Variants in COL4A5 observed in about 807,000 individuals in gnomAD.
COL4A5 encodes the protein collagen alpha-5(IV) chain.
Under a neutral mutation model 130.2 loss-of-function variants are expected in COL4A5, and 26 were observed. The ratio of observed to expected loss-of-function variants is 0.20; its 90% CI spans 0.15 to 0.28. The LOEUF is 0.28. Ranked by LOEUF, COL4A5 falls within the 10% of genes least tolerant of loss-of-function variation. The pLI, the probability that COL4A5 is intolerant of heterozygous loss-of-function variation, is 1.00. For synonymous variants in COL4A5, 496 were observed against 439.6 expected, an observed-to-expected ratio of 1.13 and a Z score of -1.60; for missense variants, 1,131 against 1,344.3, an observed-to-expected ratio of 0.84 and a Z score of 2.48.
chrX:108,632,647 T>C (rs774686142), intron 36 of COL4A5, among the ~76,000 whole-genome samples: 45 of 111,031 alleles, frequency 4.1e-4, no homozygotes, highest in Non-Finnish European at 7.0e-4. Flanking sequence ...TCAAGTTGGC[T>C]TCATCCCTGG....
intron 1 of COL4A5, among the ~76,000 whole-genome samples, chrX:108,537,722 A>G (rs963747727): frequency 8.9e-6 from 1 of 112,311 alleles, no homozygotes; most frequent in African/African-American, 3.2e-5. Context: ...ATATTCACAT[A>G]TAAAGTTCAG....
chrX:108,479,339 A>C (rs1295823153), intron 1 of COL4A5, among the ~76,000 whole-genome samples: 2 of 112,396 alleles, frequency 1.8e-5, no homozygotes, highest in Non-Finnish European at 3.8e-5. Flanking sequence ...ACAGCCCGTG[A>C]ATCAGTATAC....
chrX:108,596,506 T>C (rs1325647754), intron 22 of COL4A5, among the ~76,000 whole-genome samples: 1 of 112,249 alleles, frequency 8.9e-6, no homozygotes, highest in Non-Finnish European at 1.9e-5. Flanking sequence ...AACCACTGCT[T>C]TAGTAATGTT....
chrX:108,561,784 A>G (rs1399502384), intron 3 of COL4A5, among the ~76,000 whole-genome samples: 1 of 112,057 alleles, frequency 8.9e-6, no homozygotes, highest in Admixed American at 9.5e-5. Context: ...TTTAACACTT[A>G]ACTATAATCA....
chrX:108,675,196 C>T (rs2092531542), intron 43 of COL4A5, among the ~76,000 whole-genome samples: 1 of 111,022 alleles, frequency 9.0e-6, no homozygotes, highest in Non-Finnish European at 1.9e-5. Flanking sequence ...AAAAATAAAA[C>T]TTATATGTTC....
chrX:108,447,911 A>T (rs1331418281), intron 1 of COL4A5, among the ~76,000 whole-genome samples: 1 of 112,013 alleles, frequency 8.9e-6, no homozygotes, highest in Non-Finnish European at 1.9e-5. Flanking sequence ...GTTTTTAAAT[A>T]GCAGTAATTC....
intron 40 of COL4A5, 108 bp from the exon 41 acceptor site, chrX:108,668,211 G>T: frequency 1.4e-6 from 1 of 740,539 alleles, no homozygotes; most frequent in African/African-American, 2.1e-5. Flanking sequence ...AGATAGAAAT[G>T]ACTCTTGTGA....
intron 1 of COL4A5, among the ~76,000 whole-genome samples, chrX:108,468,987 A>T (rs1264491628): frequency 1.8e-5 from 2 of 109,994 alleles, no homozygotes; most frequent in Non-Finnish European, 1.9e-5. Context: ...TATGGACTTT[A>T]CTTCGTTGTT....
intron 36 of COL4A5, among the ~76,000 whole-genome samples, chrX:108,630,470 T>C (rs190254491): frequency 1.9e-3 from 217 of 112,339 alleles, no homozygotes; most frequent in African/African-American, 6.7e-3. Context: ...GAAGTGTCTG[T>C]TCATATCCTT....
chrX:108,646,551 G>A (rs778948899), intron 36 of COL4A5, among the ~76,000 whole-genome samples: 296 of 111,229 alleles, frequency 2.7e-3, no homozygotes, highest in African/African-American at 9.3e-3. Context: ...TCTGATAGTA[G>A]TTTCTTTTGC....
intron 42 of COL4A5, among the ~76,000 whole-genome samples, chrX:108,671,036 A>G (rs1292600046): frequency 1.8e-5 from 2 of 110,976 alleles, no homozygotes; most frequent in Non-Finnish European, 3.8e-5. Flanking sequence ...TAATAGGCAC[A>G]GAGAAAAAAA....
At chrX:108,570,304 C>T (rs1268182059) in intron 6 of COL4A5, among the ~76,000 whole-genome samples, 4 of 111,750 alleles carry the variant, frequency 3.6e-5, no homozygotes, top group Non-Finnish European at 7.5e-5. Flanking sequence ...ATTTTTGTGC[C>T]TCTTCTGGTT....
chrX:108,622,555 G>A, intron 32 of COL4A5, 121 bp from the exon 33 acceptor site: 1 of 688,033 alleles, frequency 1.5e-6, no homozygotes, highest in South Asian at 2.3e-5. Flanking sequence ...CATCCAAGGT[G>A]CATAAATGTT....
chrX:108,576,347 G>C (rs942540564), intron 10 of COL4A5, among the ~76,000 whole-genome samples: 5 of 111,733 alleles, frequency 4.5e-5, no homozygotes, highest in South Asian at 3.8e-4. Context: ...AGCAAAAGCA[G>C]GGCTTCATAA....
At chrX:108,524,089 A>G (rs1361201330) in intron 1 of COL4A5, among the ~76,000 whole-genome samples, 1 of 111,524 alleles carries the variant, frequency 9.0e-6, no homozygotes, top group Non-Finnish European at 1.9e-5. Context: ...AACATCTCAT[A>G]TACCCCATAA....
Position 108,697,474 on chromosome X carries a change from C to T in COL4A5, c.*1096C>T, listed in dbSNP as rs771711362. The T allele has an allele frequency of 9.0e-5, 10 of 110,883 alleles. No homozygotes were observed. The highest frequency in any genetic ancestry group is 1.5e-4 in the Non-Finnish European group (8 of 53,004). 9.1% of individuals were successfully genotyped at this position (110,883 alleles called of 1,213,427 possible). ...CTCACAGGATACCTTATTTCCCTAGCTATCATCTCCTGACTTAATGTTTTT... is the reference window on the plus strand; with the variant it reads ...CTCACAGGATACCTTATTTCCCTAGTTATCATCTCCTGACTTAATGTTTTT... On this transcript the variant is annotated 3_prime_UTR_variant, in exon 53 of 53. Coordinates refer to ENST00000328300, the MANE Select transcript of COL4A5 (RefSeq NM_033380.3).
chrX:108,473,632 TA>T lies in COL4A5; in HGVS notation c.81+33427del, dbSNP rs1297013128. Among the ~76,000 whole-genome samples the T allele has an allele frequency of 3.1e-4, 15 of 47,762 alleles. No individual in the cohort carries two copies. In the South Asian group the frequency reaches 5.4e-3, roughly 17 times the overall value. 41.5% of individuals were successfully genotyped at this position (47,762 alleles called of 115,157 possible). On this transcript the variant is annotated intron_variant, in intron 1 of 52. Transcript: ENST00000328300. Reference sequence around the variant, plus strand: ...ATATATGTATATATATATATATATATATTTTTTTTTTTTTGAGATGAAGTCT... The same window carrying T: ...ATATATGTATATATATATATATATATTTTTTTTTTTTTTGAGATGAAGTCT...
chrX:108,553,621 T>C (rs2065782534), intron 2 of COL4A5, among the ~76,000 whole-genome samples: 2 of 111,721 alleles, frequency 1.8e-5, no homozygotes, highest in Admixed American at 1.9e-4. Flanking sequence ...TGGAAGCAAC[T>C]GGAACAATTA....
At chrX:108,606,331 A>G (rs960305294) in intron 28 of COL4A5, among the ~76,000 whole-genome samples, 1 of 112,063 alleles carries the variant, frequency 8.9e-6, no homozygotes, top group Admixed American at 9.5e-5. Flanking sequence ...TTTCACTTAT[A>G]AATGCATCAG....
Sources: allele counts gnomAD v4.1 joint callset (sites outside exome capture counted in the v4.1 genomes callset), GRCh38; gene constraint gnomAD v4.1.1; transcripts MANE v1.5; gene names NCBI Gene and HGNC (gene_info 2026-07-23, HGNC 2026-07-21).